The following FGF12 variants were observed in gnomAD, a reference collection of about 807,000 sequenced individuals.
The protein encoded by FGF12 is fibroblast growth factor 12, also known as fibroblast growth factor 12B.
In FGF12, 14 loss-of-function variants were observed where a neutral mutation model predicts 23.6. The ratio of observed to expected loss-of-function variants is 0.59; its 90% CI spans 0.39 to 0.93. The LOEUF (loss-of-function observed/expected upper bound fraction) is 0.93, where lower values mean the gene tolerates loss of function less well. FGF12 is among the 40% of genes least tolerant of loss of function. The probability of loss-of-function intolerance (pLI) is 0.00; values close to 1 mark genes in which losing one functional copy is unlikely to be tolerated. For missense variants in FGF12, 175 were observed against 217.8 expected (o/e 0.80, Z 1.24); for synonymous variants, 62 against 77.3 (o/e 0.80, Z 1.04).
intron 2 of FGF12, among the ~76,000 whole-genome samples, chr3:192,437,289 T>C (rs1722054637): frequency 1.3e-5 from 2 of 152,176 alleles, no homozygotes; most frequent in African/African-American, 4.8e-5. Flanking sequence ...GTTAAAGAAG[T>C]TCATCAAATA....
intron 2 of FGF12, among the ~76,000 whole-genome samples, chr3:192,549,612 A>G (rs890130278): frequency 6.6e-6 from 1 of 152,100 alleles, no homozygotes; most frequent in Non-Finnish European, 1.5e-5. Context: ...GGGTATGACT[A>G]TAGGGTGTTT....
At chr3:192,570,517 T>C (rs1712541500) in intron 2 of FGF12, among the ~76,000 whole-genome samples, 1 of 152,208 alleles carries the variant, frequency 6.6e-6, no homozygotes, top group Admixed American at 6.5e-5. Context: ...ATAGTCACCT[T>C]TGATCTCTCA....
intron 4 of FGF12, among the ~76,000 whole-genome samples, chr3:192,242,165 T>C (rs1204753435): frequency 6.6e-6 from 1 of 152,062 alleles, no homozygotes; most frequent in African/African-American, 2.4e-5. Context: ...TTAAAATAAA[T>C]TGATGAATTA....
intron 4 of FGF12, among the ~76,000 whole-genome samples, chr3:192,177,230 G>A (rs942861324): frequency 5.9e-5 from 9 of 152,142 alleles, no homozygotes; most frequent in African/African-American, 1.4e-4. Flanking sequence ...CTGAAGATAC[G>A]TTTACTATAC....
At chr3:192,595,648 G>A (rs1390270567) in intron 2 of FGF12, among the ~76,000 whole-genome samples, 1 of 152,190 alleles carries the variant, frequency 6.6e-6, no homozygotes, top group Admixed American at 6.5e-5. Flanking sequence ...CTCAGATGAT[G>A]CTGATGTTGC....
chr3:192,637,232 G>A (rs1204814839), intron 2 of FGF12, among the ~76,000 whole-genome samples: 2 of 152,108 alleles, frequency 1.3e-5, no homozygotes, highest in African/African-American at 4.8e-5. Context: ...TTCTCAGGAC[G>A]CCCAGAATAG....
At chr3:192,263,140 A>ATAG (rs1034394022) in intron 4 of FGF12, among the ~76,000 whole-genome samples, 20 of 152,130 alleles carry the variant, frequency 1.3e-4, no homozygotes, top group Admixed American at 3.3e-4. Context: ...TAGTAAGTAT[A>ATAG]TAGTAGGTGG....
At chr3:192,315,617 T>C (rs1716188435) in intron 4 of FGF12, among the ~76,000 whole-genome samples, 1 of 152,202 alleles carries the variant, frequency 6.6e-6, no homozygotes, top group African/African-American at 2.4e-5. Context: ...GCCAATACTT[T>C]TTTAGGATTT....
intron 2 of FGF12, among the ~76,000 whole-genome samples, chr3:192,553,008 C>T (rs1282586184): frequency 6.6e-6 from 1 of 152,082 alleles, no homozygotes; most frequent in East Asian, 1.9e-4. Flanking sequence ...CAGTATTCCA[C>T]GGTCAGTGGA....
At chr3:192,618,917 C>T (rs985992601) in intron 2 of FGF12, among the ~76,000 whole-genome samples, 3 of 151,844 alleles carry the variant, frequency 2.0e-5, no homozygotes, top group Admixed American at 1.3e-4. Context: ...GGCTTACAGT[C>T]GGATAGAGGT....
intron 4 of FGF12, among the ~76,000 whole-genome samples, chr3:192,291,734 A>C (rs1386767425): frequency 6.6e-6 from 1 of 152,198 alleles, no homozygotes; most frequent in Non-Finnish European, 1.5e-5. Context: ...AAACCTATGG[A>C]AATAAGTAGG....
At chr3:192,449,169 T>C (rs1178934407) in intron 2 of FGF12, among the ~76,000 whole-genome samples, 3 of 152,206 alleles carry the variant, frequency 2.0e-5, no homozygotes, top group Non-Finnish European at 4.4e-5. Context: ...TTGGCAACAA[T>C]GGCCTTGAAC....
chr3:192,603,796 G>T (rs59529062), intron 2 of FGF12, among the ~76,000 whole-genome samples: 8,993 of 152,196 alleles, frequency 0.059, 745 homozygotes, highest in African/African-American at 0.19. Context: ...CCTGATAAGG[G>T]TCTATGCTCA....
At chr3:192,406,274 C>T (rs976794998) in intron 2 of FGF12, among the ~76,000 whole-genome samples, 2 of 151,426 alleles carry the variant, frequency 1.3e-5, no homozygotes, top group Admixed American at 6.6e-5. Context: ...TTATGTTACC[C>T]GTTCACATAT....
intron 4 of FGF12, chr3:192,267,152 G>C (rs1378891991): frequency 6.6e-6 from 1 of 152,118 alleles, no homozygotes; most frequent in Non-Finnish European, 1.5e-5. Flanking sequence ...AAGCAATGGA[G>C]GTTTAATTGA....
chr3:192,695,145 A>C (rs2108724749), intron 2 of FGF12, among the ~76,000 whole-genome samples: 1 of 152,270 alleles, frequency 6.6e-6, no homozygotes, highest in East Asian at 1.9e-4. Flanking sequence ...ATACAATCAG[A>C]AAAAAAGAAA....
At chr3:192,471,941 T>A (rs569072062) in intron 2 of FGF12, among the ~76,000 whole-genome samples, 1 of 152,212 alleles carries the variant, frequency 6.6e-6, no homozygotes, top group Non-Finnish European at 1.5e-5. Context: ...GGGAAGAGTA[T>A]GTTATCAAGT....
At chr3:192,631,542 G>A (rs1715392242) in intron 2 of FGF12, among the ~76,000 whole-genome samples, 1 of 152,240 alleles carries the variant, frequency 6.6e-6, no homozygotes, top group Non-Finnish European at 1.5e-5. Flanking sequence ...GCACCTGGAT[G>A]TTTTGGTCTA....
At chr3:192,295,892 A>AT (rs1273259471) in intron 4 of FGF12, among the ~76,000 whole-genome samples, 4 of 150,780 alleles carry the variant, frequency 2.7e-5, no homozygotes, top group South Asian at 2.1e-4. Context: ...ATTTTATTTT[A>AT]TTTTTTTTGA....
Sources: allele counts gnomAD v4.1 joint callset (sites outside exome capture counted in the v4.1 genomes callset), GRCh38; gene constraint gnomAD v4.1.1; transcripts MANE v1.5; gene names NCBI Gene and HGNC (gene_info 2026-07-23, HGNC 2026-07-21).